Variants in PACS1 observed in about 807,000 individuals in gnomAD.
PACS1 encodes the protein phosphofurin acidic cluster sorting protein 1.
In PACS1, 24 loss-of-function variants were observed where a neutral mutation model predicts 115.0. That is an observed-to-expected ratio of 0.21 (90% CI 0.15 to 0.29). The LOEUF is 0.29. PACS1 is among the 10% of genes least tolerant of loss of function. The pLI is 1.00. For missense variants in PACS1, 838 were observed against 1,251.2 expected (o/e 0.67, Z 4.98); for synonymous variants, 453 against 504.5 (o/e 0.90, Z 1.37).
chr11:66,115,922 CT>C (rs1218423779), intron 1 of PACS1, among the ~76,000 whole-genome samples: 1 of 152,172 alleles, frequency 6.6e-6, no homozygotes, highest in Non-Finnish European at 1.5e-5. Context: ...CTTTCTTCCT[CT>C]TAGACAAATA....
At chr11:66,111,063 T>G (rs141326575) in intron 1 of PACS1, among the ~76,000 whole-genome samples, 18 of 152,270 alleles carry the variant, frequency 1.2e-4, no homozygotes, top group African/African-American at 4.3e-4. Context: ...ATGTCATCAT[T>G]GAGTGTACTT....
chr11:66,225,169 T>C (rs1855446530), intron 10 of PACS1, among the ~76,000 whole-genome samples: 1 of 152,192 alleles, frequency 6.6e-6, no homozygotes, highest in South Asian at 2.1e-4. Flanking sequence ...CTTCATGAAA[T>C]GATAGCCTAC....
At chr11:66,228,051 G>GT (rs1590834629) in intron 11 of PACS1, among the ~76,000 whole-genome samples, 1 of 152,162 alleles carries the variant, frequency 6.6e-6, no homozygotes, top group East Asian at 1.9e-4. Flanking sequence ...GGGATGCCCA[G>GT]TTTTTTTACA....
At chr11:66,148,282 G>T (rs1467771469) in intron 1 of PACS1, among the ~76,000 whole-genome samples, 1 of 152,106 alleles carries the variant, frequency 6.6e-6, no homozygotes, top group African/African-American at 2.4e-5. Context: ...AGCTTCCCAG[G>T]TAGCTGGGAC....
chr11:66,236,041 T>C lies in PACS1; in HGVS notation c.2250+101T>C. ...AAAGATTCATCTAGAACAGTGGTTC[T>C]CCAGACACTGGAGATTTTGCCTCCA... On this transcript the variant is annotated intron_variant, in intron 19 of 23. Transcript: ENST00000320580. This position sits in a 1 kb window ranked among gnomAD's most constrained non-coding sequence, Gnocchi z 4.2. 8.8e-7 allele frequency: 1 copy of C among 1,134,966 alleles called. No homozygotes were observed. Among genetic ancestry groups the C allele is most frequent in the Non-Finnish European group, 1.3e-6 (1 of 743,940 alleles). The allele number at this position is 1,134,966 out of a possible 1,614,324, so 70.3% of individuals were successfully genotyped here.
At chr11:66,199,529 A>T (rs1854727261) in intron 2 of PACS1, among the ~76,000 whole-genome samples, 1 of 152,178 alleles carries the variant, frequency 6.6e-6, no homozygotes, top group Non-Finnish European at 1.5e-5. Context: ...GCAAGAAATT[A>T]AAAACATACC....
chr11:66,231,774 TCTC>T (rs1004233741), intron 13 of PACS1: 13 of 217,888 alleles, frequency 6.0e-5, no homozygotes, highest in African/African-American at 3.0e-4. Flanking sequence ...TCATTATTTC[TCTC>T]CCCACTGCCC....
At position 66,235,353 on chromosome 11, in the gene PACS1, G is replaced by A. The variant is rs1187170562; in HGVS notation, c.2157G>A (p.Thr719=). 5.6e-6 allele frequency: 9 copies of A among 1,613,970 alleles called. No individual in the cohort carries two copies. The highest frequency in any genetic ancestry group is 3.3e-5 in the Admixed American group (2 of 59,974). The part of the protein sequence containing the change: ...RVMQYVNGAA[T]THQLPVAEAM... ...TGCAGTACGTCAACGGGGCAGCCACGACACACCAGCTTCCCGTGGCCGAAG... is the reference window on the plus strand; with the variant it reads ...TGCAGTACGTCAACGGGGCAGCCACAACACACCAGCTTCCCGTGGCCGAAG... Residue 719 remains threonine (T), a synonymous_variant, in exon 18 of 24, where the codon ACG becomes ACA. Transcript: ENST00000320580. The surrounding 1 kb of genome is among the most constrained non-coding windows in gnomAD (Gnocchi z 5.6).
At chr11:66,225,945 G>A (rs183339875) in intron 10 of PACS1, among the ~76,000 whole-genome samples, 1 of 152,270 alleles carries the variant, frequency 6.6e-6, no homozygotes, top group East Asian at 1.9e-4. Context: ...GAGGCAGGTG[G>A]ATCACTTGAG....
At chr11:66,139,686 A>G (rs1858935052) in intron 1 of PACS1, among the ~76,000 whole-genome samples, 1 of 152,106 alleles carries the variant, frequency 6.6e-6, no homozygotes, top group South Asian at 2.1e-4. Flanking sequence ...AAAGGATCAC[A>G]TTCTTTTTTG....
Position 66,221,205 on chromosome 11 carries a change from C to G in PACS1, c.1251C>G (p.Ser417Arg). The change falls in exon 10 of 24, where the codon AGC becomes AGG. Residue 417 changes from serine (S) to arginine (R), a missense_variant. Physicochemically the swap from Ser to Arg is moderately radical, Grantham distance 110. Transcript: ENST00000320580. ...CCAGCTCCCAGACGGAGATTGGCAG[C>G]CTCAACAGCAAAGGCAGCCTCGGAA... ...SQSSSQTEIG[S>R]LNSKGSLGKD... The G allele has an allele frequency of 1.9e-6, 3 of 1,614,220 alleles. No individual in the cohort carries two copies. The highest frequency in any genetic ancestry group is 2.5e-6 in the Non-Finnish European group (3 of 1,180,044).
chr11:66,181,568 T>C (rs1375269383), intron 1 of PACS1, among the ~76,000 whole-genome samples: 1 of 152,220 alleles, frequency 6.6e-6, no homozygotes, highest in Non-Finnish European at 1.5e-5. Context: ...GTGCCTTTTT[T>C]AGCATCTAAT....
chr11:66,128,690 C>G (rs1858633335), intron 1 of PACS1, among the ~76,000 whole-genome samples: 1 of 151,982 alleles, frequency 6.6e-6, no homozygotes, highest in Non-Finnish European at 1.5e-5. Flanking sequence ...TCGAGACCAG[C>G]CTGGCCAACA....
chr11:66,231,010 G>C, intron 13 of PACS1, 70 bp downstream of exon 13: 1 of 1,578,588 alleles, frequency 6.3e-7, no homozygotes, highest in Non-Finnish European at 8.7e-7. Flanking sequence ...TGTTTTGTTG[G>C]CTTCCTTGGA....
At chr11:66,076,839 C>T (rs1857408404) in intron 1 of PACS1, among the ~76,000 whole-genome samples, 1 of 152,166 alleles carries the variant, frequency 6.6e-6, no homozygotes, top group Non-Finnish European at 1.5e-5. Context: ...GAATGATTTG[C>T]CAACGTTGGT....
intron 2 of PACS1, among the ~76,000 whole-genome samples, chr11:66,208,133 C>T (rs1854985662): frequency 6.6e-6 from 1 of 152,170 alleles, no homozygotes; most frequent in Non-Finnish European, 1.5e-5. Context: ...TATATAATGA[C>T]ATAACCATCA....
chr11:66,108,502 C>T (rs1243958339), intron 1 of PACS1, among the ~76,000 whole-genome samples: 5 of 152,120 alleles, frequency 3.3e-5, no homozygotes, highest in Admixed American at 3.3e-4. Flanking sequence ...GTGGGAGGAT[C>T]GCTTGAGCCC....
At chr11:66,097,852 T>G (rs1397459327) in intron 1 of PACS1, among the ~76,000 whole-genome samples, 3 of 152,190 alleles carry the variant, frequency 2.0e-5, no homozygotes, top group Non-Finnish European at 2.9e-5. Context: ...TACCTTCTTT[T>G]GCGAAGTATC....
chr11:66,078,127 A>C (rs980184542), intron 1 of PACS1, among the ~76,000 whole-genome samples: 2 of 152,060 alleles, frequency 1.3e-5, no homozygotes, highest in Non-Finnish European at 2.9e-5. Context: ...ATCTGTGTCC[A>C]CTCTCAGATC....
Sources: allele counts gnomAD v4.1 joint callset (sites outside exome capture counted in the v4.1 genomes callset), GRCh38; gene constraint gnomAD v4.1.1; non-coding constraint Gnocchi (gnomAD v3.1); transcripts MANE v1.5; gene names NCBI Gene and HGNC (gene_info 2026-07-23, HGNC 2026-07-21).